The following ADGRD2 variants were observed in gnomAD, a reference collection of about 807,000 sequenced individuals.
ADGRD2 encodes the protein G protein-coupled receptor PGR24.
A neutral mutation model predicts 44.4 loss-of-function variants in ADGRD2; 71 were observed. That is an observed-to-expected ratio of 1.60 (90% confidence interval 1.32 to 1.95). The LOEUF (loss-of-function observed/expected upper bound fraction) is 1.95, where lower values mean the gene tolerates loss of function less well. Ranked by LOEUF, ADGRD2 falls within the 30% of genes most tolerant of loss-of-function variation. ADGRD2 has a pLI of 0.00. For missense variants in ADGRD2, 1,039 were observed against 512.4 expected (o/e 2.03, Z -9.92); for synonymous variants, 481 against 224.8 (o/e 2.14, Z -10.19).
At chr9:124,453,376 G>A (rs953434144) in exon 3 of ADGRD2, 2 of 561,774 alleles carry the variant, frequency 3.6e-6, no homozygotes, top group African/African-American at 4.0e-5. Flanking sequence ...GCTGTTCTCC[G>A]ATGGGAGGCG....
chr9:124,455,395 A>G (rs1831595337), intron 6 of ADGRD2, among the ~76,000 whole-genome samples: 1 of 152,174 alleles, frequency 6.6e-6, no homozygotes, highest in Admixed American at 6.5e-5. Context: ...GTTCGAGACT[A>G]GCCTGGCCAA....
At chr9:124,474,856 G>C (rs976904864) in intron 17 of ADGRD2, among the ~76,000 whole-genome samples, 12 of 152,330 alleles carry the variant, frequency 7.9e-5, no homozygotes, top group Admixed American at 7.8e-4. Flanking sequence ...CAGGGAGGGT[G>C]GTGAGGCCCT....
chr9:124,450,636 G>A (rs1166477808), upstream of ADGRD2, among the ~76,000 whole-genome samples: 1 of 152,234 alleles, frequency 6.6e-6, no homozygotes, highest in African/African-American at 2.4e-5. Flanking sequence ...TCTCCCTCTC[G>A]GGCCTCAACG....
chr9:124,467,767 G>T (rs548973577), exon 12 of ADGRD2: 2 of 718,540 alleles, frequency 2.8e-6, no homozygotes, highest in East Asian at 5.4e-5. Context: ...TCATTTGTGG[G>T]CTGTGGCGTG....
intron 6 of ADGRD2, among the ~76,000 whole-genome samples, chr9:124,455,416 C>T (rs1195901058): frequency 6.6e-6 from 1 of 152,076 alleles, no homozygotes; most frequent in Non-Finnish European, 1.5e-5. Flanking sequence ...CATAATGAAA[C>T]CCTGTCTCTA....
Position 124,469,366 on chromosome 9 carries a change from G to A in ADGRD2, c.2521+11G>A. 1.4e-6 allele frequency: 1 copy of A among 718,324 alleles called. No homozygotes were observed. The highest frequency in any genetic ancestry group is 2.6e-6 in the Non-Finnish European group (1 of 385,100). 44.5% of individuals were successfully genotyped at this position (718,324 alleles called of 1,614,324 possible). A position where few individuals can be genotyped will look rare whatever the true frequency, so the allele number is the denominator to read the frequency against. On this transcript the variant is annotated intron_variant, in intron 15 of 21. Coordinates refer to ENST00000334810, the Ensembl canonical transcript of ADGRD2. ...CTCTTCGTGCTGACTGTGAGCTGGG[G>A]ACCTGCAGGGGAGGGGCGTGTTGGG...
At chr9:124,473,200 G>T (rs1035123470) in intron 17 of ADGRD2, among the ~76,000 whole-genome samples, 4 of 152,228 alleles carry the variant, frequency 2.6e-5, no homozygotes, top group African/African-American at 4.8e-5. Flanking sequence ...ACTTTTAGGA[G>T]GGTGACCAAG....
chr9:124,472,723 G>C (rs928212068), intron 17 of ADGRD2, among the ~76,000 whole-genome samples: 2 of 152,124 alleles, frequency 1.3e-5, no homozygotes, highest in Non-Finnish European at 2.9e-5. Context: ...GCCCAGGTTG[G>C]TCTTGAACTC....
chr9:124,451,014 C>T, upstream of ADGRD2: 1 of 469,962 alleles, frequency 2.1e-6, no homozygotes, highest in Non-Finnish European at 4.4e-6. Context: ...CTGAGCACAG[C>T]GTCTGGCTGT....
At chr9:124,472,525 G>C (rs929533732) in intron 17 of ADGRD2, among the ~76,000 whole-genome samples, 2 of 151,442 alleles carry the variant, frequency 1.3e-5, no homozygotes. Flanking sequence ...TTGTTTTTTG[G>C]AGATGGAGTC....
chr9:124,456,927 T>C (rs977765278), intron 7 of ADGRD2, among the ~76,000 whole-genome samples, 194 bp downstream of exon 10: 2 of 152,206 alleles, frequency 1.3e-5, no homozygotes, highest in South Asian at 4.1e-4. Context: ...GAACCCTGTG[T>C]GGGCCTCACT....
chr9:124,452,263 TA>T, intron 1 of ADGRD2, 109 bp downstream of exon 4: 1 of 636,456 alleles, frequency 1.6e-6, no homozygotes, highest in Non-Finnish European at 2.9e-6. Context: ...GAGTAACATT[TA>T]GTTCCACCCC....
At chr9:124,452,805 T>C (rs1464114264) in intron 2 of ADGRD2, 83 bp downstream of exon 5, 2 of 656,564 alleles carry the variant, frequency 3.0e-6, no homozygotes, top group Non-Finnish European at 5.6e-6. Flanking sequence ...GTGACAATAT[T>C]TGCAGAATGA....
intron 17 of ADGRD2, among the ~76,000 whole-genome samples, chr9:124,471,734 C>A (rs1290369255): frequency 4.6e-5 from 7 of 152,214 alleles, no homozygotes; most frequent in South Asian, 2.1e-4. Context: ...CATCCATGTG[C>A]TCTTCATGGC....
intron 10 of ADGRD2, among the ~76,000 whole-genome samples, chr9:124,464,115 G>T (rs960001246): frequency 1.3e-5 from 2 of 151,690 alleles, no homozygotes; most frequent in Admixed American, 6.6e-5. Context: ...GAGCCACCAC[G>T]CCCAGCCTTG....
chr9:124,452,065 C>T (rs1831484373), upstream of ADGRD2: 1 of 526,626 alleles, frequency 1.9e-6, no homozygotes. Flanking sequence ...GTTGTCCCAG[C>T]CCCCACCTGT....
chr9:124,461,677 T>C (rs1244079454), intron 10 of ADGRD2, among the ~76,000 whole-genome samples: 1 of 152,196 alleles, frequency 6.6e-6, no homozygotes, highest in Non-Finnish European at 1.5e-5. Flanking sequence ...TCCTGATTAA[T>C]GTGCCTGTAT....
upstream of ADGRD2, among the ~76,000 whole-genome samples, chr9:124,450,622 C>A (rs905100441): frequency 6.6e-6 from 1 of 152,248 alleles, no homozygotes; most frequent in Non-Finnish European, 1.5e-5. Flanking sequence ...GGGCAAACTT[C>A]GCATCTCCCT....
At chr9:124,473,581 CCCTAGCA>C (rs1417648258) in intron 17 of ADGRD2, among the ~76,000 whole-genome samples, 1 of 152,236 alleles carries the variant, frequency 6.6e-6, no homozygotes, top group African/African-American at 2.4e-5. Context: ...ACACGCACTC[CCCTAGCA>C]CCTCCCCATG....
Sources: allele counts gnomAD v4.1 joint callset (sites outside exome capture counted in the v4.1 genomes callset), GRCh38; gene constraint gnomAD v4.1.1; transcripts MANE v1.5; gene names NCBI Gene and HGNC (gene_info 2026-07-23, HGNC 2026-07-21).